The following VAV3 variants were observed in gnomAD, a reference collection of about 807,000 sequenced individuals.
VAV3 encodes guanine nucleotide exchange factor VAV3.
In VAV3, 94 loss-of-function variants were observed where a neutral mutation model predicts 131.2. The ratio of observed to expected loss-of-function variants is 0.72; its 90% CI spans 0.61 to 0.85. The LOEUF is 0.85. Ranked by LOEUF, VAV3 falls within the 40% of genes least tolerant of loss-of-function variation. The pLI, the probability that VAV3 is intolerant of heterozygous loss-of-function variation, is 0.00. For missense variants in VAV3, 939 were observed against 1,002.7 expected (o/e 0.94, Z 0.86); for synonymous variants, 349 against 342.0 (o/e 1.02, Z -0.22).
intron 1 of VAV3, among the ~76,000 whole-genome samples, chr1:107,944,956 C>T (rs1427847603): frequency 6.6e-6 from 1 of 152,152 alleles, no homozygotes; most frequent in African/African-American, 2.4e-5. Flanking sequence ...TATGAAATAG[C>T]TTGCACTTTT....
At chr1:107,625,815 T>G (rs897028755) in intron 20 of VAV3, among the ~76,000 whole-genome samples, 4 of 152,222 alleles carry the variant, frequency 2.6e-5, no homozygotes, top group Non-Finnish European at 4.4e-5. Flanking sequence ...CATACTTTAC[T>G]GAAACCACTT....
chr1:107,610,141 A>T (rs1652616499), intron 21 of VAV3, among the ~76,000 whole-genome samples, 176 bp from the exon 22 acceptor site: 1 of 152,196 alleles, frequency 6.6e-6, no homozygotes, highest in African/African-American at 2.4e-5. Flanking sequence ...ATAAGTAGAA[A>T]ATAATTCATT....
At position 107,574,449 on chromosome 1, in the gene VAV3, G is replaced by A. The variant is rs150992825; in HGVS notation, c.2351-251C>T. ...ATTCTTCATAAGAACCTCAATCAAA[G>A]TAAGGACTAGTTTTTATAAAAATGA... is the stretch of plus-strand genomic sequence containing the variant. On this transcript the variant is annotated intron_variant, in intron 25 of 26. Transcript: ENST00000370056. Among the ~76,000 whole-genome samples, 46 of 152,066 alleles carry A rather than the reference G, an allele frequency of 3.0e-4. No homozygotes were observed. The East Asian group carries it at 8.9e-3, about 29-fold the overall frequency.
chr1:107,754,083 A>T (rs1557822659), intron 12 of VAV3, among the ~76,000 whole-genome samples: 1 of 152,206 alleles, frequency 6.6e-6, no homozygotes, highest in Non-Finnish European at 1.5e-5. Flanking sequence ...GAGACCTTGT[A>T]ATACAGCAAA....
At chr1:107,932,807 G>A (rs1238279157) in intron 1 of VAV3, among the ~76,000 whole-genome samples, 1 of 152,176 alleles carries the variant, frequency 6.6e-6, no homozygotes, top group Non-Finnish European at 1.5e-5. Flanking sequence ...GGGCCACAGG[G>A]CAAAGAATCC....
At chr1:107,674,474 C>A (rs1658049620) in intron 19 of VAV3, among the ~76,000 whole-genome samples, 1 of 152,178 alleles carries the variant, frequency 6.6e-6, no homozygotes, top group African/African-American at 2.4e-5. Context: ...CACTAATGAA[C>A]TCTGAAAATC....
chr1:107,633,077 A>C (rs532406190), intron 20 of VAV3, among the ~76,000 whole-genome samples: 1 of 152,348 alleles, frequency 6.6e-6, no homozygotes, highest in East Asian at 1.9e-4. Context: ...TTATAGTTCT[A>C]CTTTTAACAT....
rs568410320 is a variant in VAV3 at position 107,765,387 on chromosome 1, T to C, written c.822-212A>G. 3.9e-5 allele frequency among the ~76,000 whole-genome samples: 6 copies of C among 152,320 alleles called. No homozygotes were observed. In the South Asian group the frequency reaches 1.2e-3, roughly 32 times the overall value. On this transcript the variant is annotated intron_variant, in intron 8 of 26. Transcript: ENST00000370056. The stretch of plus-strand genomic sequence containing the variant: ...ACTAATTTGTAGTTCCAACTTTGAA[T>C]GAGATTAATTCTATGTAAATTTTTA...
intron 10 of VAV3, among the ~76,000 whole-genome samples, chr1:107,758,713 C>T (rs1313617485): frequency 2.0e-5 from 3 of 152,286 alleles, no homozygotes; most frequent in East Asian, 1.9e-4. Flanking sequence ...CCTACTCAGA[C>T]TTCTGTGATG....
intron 24 of VAV3, among the ~76,000 whole-genome samples, chr1:107,600,029 C>G (rs995683435): frequency 6.6e-6 from 1 of 151,996 alleles, no homozygotes; most frequent in South Asian, 2.1e-4. Context: ...GTTGCTAAAA[C>G]ATGAGCCATT....
At chr1:107,629,807 C>T (rs891259530) in intron 20 of VAV3, among the ~76,000 whole-genome samples, 7 of 152,040 alleles carry the variant, frequency 4.6e-5, no homozygotes, top group African/African-American at 1.7e-4. Flanking sequence ...ATAATACAGA[C>T]TAAATTAATA....
chr1:107,629,356 T>C (rs1654268000), intron 20 of VAV3, among the ~76,000 whole-genome samples: 1 of 152,194 alleles, frequency 6.6e-6, no homozygotes, highest in Non-Finnish European at 1.5e-5. Flanking sequence ...AAGTTTGTAA[T>C]ATGAACAATT....
intron 17 of VAV3, among the ~76,000 whole-genome samples, chr1:107,702,746 T>C (rs1461054048): frequency 6.6e-6 from 1 of 151,490 alleles, no homozygotes; most frequent in Non-Finnish European, 1.5e-5. Flanking sequence ...CATCCACGTG[T>C]ACTCCAGATC....
rs1339622209 is a variant in VAV3, at chr1:107,768,504, G to A, written c.654C>T (p.Phe218=). The A allele has an allele frequency of 6.2e-7, 1 of 1,611,414 alleles. No individual in the cohort carries two copies. The highest frequency in any genetic ancestry group is 8.5e-7 in the Non-Finnish European group (1 of 1,178,382). ...TCAGAAATCTTTTTAGTGGTGCCAT[G>A]AAATACTACCAGGAAAGAAGAAGAA... ...TETLESIEKY[F]MAPLKRFLTA... is the part of the protein sequence containing the mutation. The change falls in exon 7 of 27, where the codon TTC becomes TTT. Residue 218 remains phenylalanine (F), a synonymous_variant. Transcript: ENST00000370056.
Position 107,964,919 on chromosome 1 carries a change from G to GGCC in VAV3, c.-53_-51dup, listed in dbSNP as rs71796067. ...GGGCCGGGGCGGGCGGCAAGGATGC[G>GGCC]GCCGCCGCCGCCGCCGCCGCGGTTC... On this transcript the variant is annotated 5_prime_UTR_variant, in exon 1 of 27. Coordinates refer to ENST00000370056, the MANE Select transcript of VAV3 (RefSeq NM_006113.5). 821 of 1,170,508 alleles carry GGCC rather than the reference G, an allele frequency of 7.0e-4. No individual in the cohort carries two copies. The highest frequency in any genetic ancestry group is 8.5e-4 in the Admixed American group (19 of 22,354). 72.5% of individuals were successfully genotyped at this position (1,170,508 alleles called of 1,614,324 possible).
At chr1:107,937,211 T>C (rs773894030) in intron 1 of VAV3, among the ~76,000 whole-genome samples, 3 of 152,192 alleles carry the variant, frequency 2.0e-5, no homozygotes, top group Non-Finnish European at 2.9e-5. Flanking sequence ...TAATGTGTGA[T>C]TATTTAAATT....
At chr1:107,880,767 G>A (rs1670729914) in intron 1 of VAV3, among the ~76,000 whole-genome samples, 1 of 150,720 alleles carries the variant, frequency 6.6e-6, no homozygotes, top group Non-Finnish European at 1.5e-5. Flanking sequence ...CTGTACTCCA[G>A]CCTGGGCAAC....
intron 15 of VAV3, among the ~76,000 whole-genome samples, chr1:107,745,496 C>T (rs1287983382): frequency 6.6e-6 from 1 of 152,068 alleles, no homozygotes; most frequent in Middle Eastern, 3.2e-3. Context: ...TGGTTCACTG[C>T]ATATTTTAAA....
At chr1:107,729,622 A>G (rs1240613055) in intron 15 of VAV3, among the ~76,000 whole-genome samples, 1 of 152,148 alleles carries the variant, frequency 6.6e-6, no homozygotes, top group East Asian at 1.9e-4. Context: ...AGTTACTTAC[A>G]TTTCTGGTCC....
Sources: gnomAD v4.1 joint callset for allele counts (sites outside exome capture counted in the v4.1 genomes callset) on GRCh38, gnomAD v4.1.1 for gene constraint, MANE v1.5 for transcripts, NCBI Gene and HGNC (gene_info 2026-07-23, HGNC 2026-07-21) for gene names.